The following FARSB variants were observed in gnomAD, a reference collection of about 807,000 sequenced individuals.
The protein encoded by FARSB is phenylalanine--tRNA ligase beta subunit.
FARSB carries 40 observed loss-of-function variants against 69.6 expected under a neutral mutation model. That is an observed-to-expected ratio of 0.57 (90% CI 0.45 to 0.75). The LOEUF (loss-of-function observed/expected upper bound fraction) is 0.75. FARSB is among the 30% of genes least tolerant of loss of function. The pLI, the probability that FARSB is intolerant of heterozygous loss-of-function variation, is 0.00. For missense variants in FARSB, 632 were observed against 722.9 expected (o/e 0.87, Z 1.44); for synonymous variants, 235 against 247.2 (o/e 0.95, Z 0.46).
At chr2:222,595,882 C>T (rs1690399463) in intron 16 of FARSB, among the ~76,000 whole-genome samples, 1 of 148,606 alleles carries the variant, frequency 6.7e-6, no homozygotes, top group Non-Finnish European at 1.5e-5. Context: ...CAACAAACCA[C>T]AAAAAATGAA....
intron 15 of FARSB, among the ~76,000 whole-genome samples, chr2:222,606,383 C>T (rs1690705499): frequency 6.6e-6 from 1 of 152,138 alleles, no homozygotes; most frequent in African/African-American, 2.4e-5. Flanking sequence ...GACTACACAC[C>T]ACAAAATAAG....
chr2:222,650,650 C>A (rs114524169), intron 1 of FARSB, among the ~76,000 whole-genome samples: 2 of 152,070 alleles, frequency 1.3e-5, no homozygotes, highest in East Asian at 3.9e-4. Flanking sequence ...GCCTCCAAGA[C>A]GGCCTGTTCC....
At chr2:222,601,648 T>C (rs1690564319) in intron 15 of FARSB, among the ~76,000 whole-genome samples, 1 of 152,160 alleles carries the variant, frequency 6.6e-6, no homozygotes, top group Non-Finnish European at 1.5e-5. Context: ...ACTTACAAAC[T>C]CAATATTTCA....
chr2:222,608,169 A>T (rs1336900437), intron 15 of FARSB, among the ~76,000 whole-genome samples: 1 of 152,204 alleles, frequency 6.6e-6, no homozygotes, highest in South Asian at 2.1e-4. Context: ...TTTTGAATTA[A>T]TAATTGGAAA....
chr2:222,627,746 G>A (rs934950446), intron 10 of FARSB, among the ~76,000 whole-genome samples: 1 of 152,174 alleles, frequency 6.6e-6, no homozygotes, highest in Admixed American at 6.5e-5. Context: ...AAAATATGAT[G>A]CTAAATGTTA....
At chr2:222,595,818 C>T (rs1690397858) in intron 16 of FARSB, among the ~76,000 whole-genome samples, 1 of 151,928 alleles carries the variant, frequency 6.6e-6, no homozygotes, top group East Asian at 1.9e-4. Context: ...TTTCCTTGCC[C>T]AGAAGTGGTT....
chr2:222,624,506 A>C, intron 11 of FARSB, 27 bp from the exon 12 acceptor site: 1 of 1,428,872 alleles, frequency 7.0e-7, no homozygotes, highest in Non-Finnish European at 9.9e-7. Flanking sequence ...CAAACCATAA[A>C]CTTCATTGGA....
At chr2:222,597,915 C>T (rs977675121) in intron 16 of FARSB, among the ~76,000 whole-genome samples, 1 of 152,226 alleles carries the variant, frequency 6.6e-6, no homozygotes, top group South Asian at 2.1e-4. Flanking sequence ...TAATGCTTTT[C>T]TCCTAACTAG....
chr2:222,630,257 A>G, intron 8 of FARSB, 83 bp from the exon 9 acceptor site: 1 of 721,350 alleles, frequency 1.4e-6, no homozygotes, highest in Non-Finnish European at 2.3e-6. Context: ...ATTTAATATA[A>G]TTGTGTCCTC....
chr2:222,621,130 T>G (rs1370793990), intron 13 of FARSB, among the ~76,000 whole-genome samples: 5 of 152,174 alleles, frequency 3.3e-5, no homozygotes, highest in Admixed American at 1.3e-4. Context: ...ATGAAACTAG[T>G]CCTCTCTGTG....
chr2:222,616,135 A>C (rs775189537), intron 14 of FARSB, among the ~76,000 whole-genome samples: 36 of 152,332 alleles, frequency 2.4e-4, no homozygotes, highest in Admixed American at 3.9e-4. Context: ...TAAATGTAAG[A>C]ATTCTATAGG....
intron 10 of FARSB, among the ~76,000 whole-genome samples, chr2:222,627,830 C>T (rs1231993374): frequency 6.6e-6 from 1 of 152,136 alleles, no homozygotes; most frequent in Non-Finnish European, 1.5e-5. Flanking sequence ...ATAGCAGAAA[C>T]TATTTCAGGC....
rs369687965 is a variant in FARSB at position 222,571,831 on chromosome 2, G to A, written c.*40C>T. On this transcript the variant is annotated 3_prime_UTR_variant, in exon 17 of 17. Coordinates refer to ENST00000281828, the MANE Select transcript of FARSB (RefSeq NM_005687.5). Reference sequence around the variant, plus strand: ...CTTAAGGACACTAGGGGAGGAGAAAGGGACACCTGGGAAGAGAATCACACC... The same window carrying A: ...CTTAAGGACACTAGGGGAGGAGAAAAGGACACCTGGGAAGAGAATCACACC... 3 of 1,572,478 alleles carry A rather than the reference G, an allele frequency of 1.9e-6. No individual in the cohort carries two copies. In the African/African-American group the frequency reaches 4.1e-5, roughly 21 times the overall value.
intron 5 of FARSB, among the ~76,000 whole-genome samples, chr2:222,636,108 A>G (rs1342455212): frequency 6.6e-6 from 1 of 151,138 alleles, no homozygotes; most frequent in Non-Finnish European, 1.5e-5. Flanking sequence ...ATAAGAAAAT[A>G]TAGAAGAATA....
chr2:222,621,294 CTTTT>C (rs1385629209), intron 13 of FARSB, among the ~76,000 whole-genome samples: 1 of 152,104 alleles, frequency 6.6e-6, no homozygotes, highest in African/African-American at 2.4e-5. Flanking sequence ...CAGTAAGAAA[CTTTT>C]TTTTGTTTGA....
intron 7 of FARSB, 124 bp downstream of exon 7, chr2:222,633,075 A>G: frequency 1.5e-6 from 1 of 660,380 alleles, no homozygotes; most frequent in Non-Finnish European, 2.7e-6. Context: ...TCTACAAAAG[A>G]CCTGAGATAC....
chr2:222,580,711 A>C (rs1689945202), intron 16 of FARSB, among the ~76,000 whole-genome samples: 1 of 152,180 alleles, frequency 6.6e-6, no homozygotes, highest in Admixed American at 6.5e-5. Flanking sequence ...GTAGGAAAAA[A>C]AAATGCCCCA....
At chr2:222,617,375 G>A (rs1175606624) in intron 14 of FARSB, among the ~76,000 whole-genome samples, 3 of 152,160 alleles carry the variant, frequency 2.0e-5, no homozygotes, top group African/African-American at 7.2e-5. Context: ...TGTAAATCCT[G>A]AAGAACATAA....
At chr2:222,646,252 G>A (rs1372366111) in intron 2 of FARSB, among the ~76,000 whole-genome samples, 1 of 152,204 alleles carries the variant, frequency 6.6e-6, no homozygotes, top group African/African-American at 2.4e-5. Flanking sequence ...ATTCAGGCAT[G>A]TCTTTAACTT....
Sources: allele counts gnomAD v4.1 joint callset (sites outside exome capture counted in the v4.1 genomes callset), GRCh38; gene constraint gnomAD v4.1.1; transcripts MANE v1.5; gene names NCBI Gene and HGNC (gene_info 2026-07-23, HGNC 2026-07-21).